CDCP1: variants seen among roughly 807,000 people sequenced by gnomAD.
CDCP1 encodes the protein CUB domain-containing protein 1.
Under a neutral mutation model 60.2 loss-of-function variants are expected in CDCP1, and 29 were observed. The observed-to-expected ratio is 0.48, with a 90% CI of 0.36 to 0.66. The LOEUF is 0.66. Among genes scored for constraint, CDCP1 ranks in the 30% least tolerant of loss-of-function variants. CDCP1 has a pLI of 0.00. For synonymous variants in CDCP1, 387 were observed against 431.1 expected, an observed-to-expected ratio of 0.90 and a Z score of 1.27; for missense variants, 876 against 1,074.3, an observed-to-expected ratio of 0.82 and a Z score of 2.58.
At chr3:45,103,765 C>A (rs1559390742) in intron 4 of CDCP1, among the ~76,000 whole-genome samples, 1 of 152,242 alleles carries the variant, frequency 6.6e-6, no homozygotes, top group Non-Finnish European at 1.5e-5. Context: ...CCTTGCCACT[C>A]CTCTGCTATA....
chr3:45,097,620 T>A (rs971643971), intron 4 of CDCP1, among the ~76,000 whole-genome samples: 33 of 152,130 alleles, frequency 2.2e-4, no homozygotes, highest in Non-Finnish European at 5.9e-5. Context: ...GCGAATGAGT[T>A]CAATTCTAAC....
intron 1 of CDCP1, among the ~76,000 whole-genome samples, chr3:45,127,318 G>A (rs1321813634): frequency 6.6e-6 from 1 of 152,166 alleles, no homozygotes; most frequent in Non-Finnish European, 1.5e-5. Flanking sequence ...TCTAAGAAAG[G>A]GAACTGGCAT....
intron 1 of CDCP1, among the ~76,000 whole-genome samples, chr3:45,129,338 A>G (rs1699050016): frequency 1.3e-5 from 2 of 152,236 alleles, no homozygotes; most frequent in Admixed American, 1.3e-4. Flanking sequence ...TTCCAGATTG[A>G]ATCACACCGT....
In CDCP1 at chr3:45,146,163, G is replaced by A. The variant is rs772774247; in HGVS notation, c.82+43C>T. On this transcript the variant is annotated intron_variant, in intron 1 of 8. Transcript: ENST00000296129. Reference sequence around the variant, plus strand: ...CCGCCGGGCGTCCGCTGGCTGGCTAGCTCACCACTCCACGCCATCCGCCTC... The same window carrying A: ...CCGCCGGGCGTCCGCTGGCTGGCTAACTCACCACTCCACGCCATCCGCCTC... 1.3e-5 allele frequency: 20 copies of A among 1,531,612 alleles called. No homozygotes were observed. In the African/African-American group the frequency reaches 2.1e-4, roughly 16 times the overall value. 94.9% of individuals were successfully genotyped at this position (1,531,612 alleles called of 1,614,324 possible). A position where few individuals can be genotyped will look rare whatever the true frequency, so the allele number is the denominator to read the frequency against.
In CDCP1 at chr3:45,108,930, TGTATACATATATATATATATA is replaced by T. The variant is rs1698634758; in HGVS notation, c.1024+1522_1024+1542del. 6.8e-5 allele frequency among the ~76,000 whole-genome samples: 4 copies of T among 58,776 alleles called. 1 individual carries two copies. The highest frequency in any genetic ancestry group is 2.3e-4 in the African/African-American group (4 of 17,238). 38.6% of individuals were successfully genotyped at this position (58,776 alleles called of 152,430 possible). ...ATGTATACATATATATATATATGCA[TGTATACATATATATATATATA>T]TATTTTTTTTTTTTTTGAGATGGAG... On this transcript the variant is annotated intron_variant, in intron 4 of 8. Transcript: ENST00000296129.
At chr3:45,096,422 C>T (rs1698399509) in intron 4 of CDCP1, among the ~76,000 whole-genome samples, 1 of 151,720 alleles carries the variant, frequency 6.6e-6, no homozygotes, top group Non-Finnish European at 1.5e-5. Flanking sequence ...GTCAGGAGTT[C>T]AAGACCAGCC....
At position 45,096,242 on chromosome 3, in the gene CDCP1, C is replaced by G. The variant is rs146659180; in HGVS notation, c.1025-674G>C. 4.5e-3 allele frequency among the ~76,000 whole-genome samples: 689 copies of G among 152,280 alleles called. 2 individuals carry two copies. The highest frequency in any genetic ancestry group is 0.015 in the African/African-American group (608 of 41,550). ...TGAGTGCCCACGTTTAACTGCAGCA[C>G]TGTGATTGTGGGAAACTAGAGACCA... is the stretch of plus-strand genomic sequence containing the variant. On this transcript the variant is annotated intron_variant, in intron 4 of 8. Coordinates refer to ENST00000296129, the MANE Select transcript of CDCP1 (RefSeq NM_022842.5).
chr3:45,090,236 T>C (rs1698271468), intron 7 of CDCP1, among the ~76,000 whole-genome samples: 1 of 152,124 alleles, frequency 6.6e-6, no homozygotes, highest in East Asian at 1.9e-4. Context: ...GCCTCCACAG[T>C]CCCTTCTGAT....
rs775450086 is a variant in CDCP1, at chr3:45,091,318, C to T, written c.1848G>A (p.Glu616=). 1 of 1,614,126 alleles carries T rather than the reference C, an allele frequency of 6.2e-7. No individual in the cohort carries two copies. Residue 616 remains glutamate, a synonymous_variant, in exon 7 of 9, where the codon GAG becomes GAA. Coordinates refer to ENST00000296129, the MANE Select transcript of CDCP1 (RefSeq NM_022842.5). The surrounding 1 kb of genome is among the most constrained non-coding windows in gnomAD (Gnocchi z 4.8). ...MIIQEQRTRA[E]EIFSLDEDVL... ...CATCCTCGTCCAGGCTGAAGATCTCCTCAGCCCGGGTCCGCTGCTCCTGGA... is the reference window on the plus strand; with the variant it reads ...CATCCTCGTCCAGGCTGAAGATCTCTTCAGCCCGGGTCCGCTGCTCCTGGA...
At chr3:45,096,607 G>C (rs1382246172) in intron 4 of CDCP1, among the ~76,000 whole-genome samples, 1 of 106,254 alleles carries the variant, frequency 9.4e-6, no homozygotes, top group Non-Finnish European at 1.7e-5. Flanking sequence ...CCTAGTGACA[G>C]AGCAAGACTC....
At chr3:45,121,431 T>C (rs1559397119) in intron 1 of CDCP1, among the ~76,000 whole-genome samples, 2 of 152,234 alleles carry the variant, frequency 1.3e-5, no homozygotes, top group Admixed American at 1.3e-4. Flanking sequence ...AACGTCTAAC[T>C]GTGTTATTTG....
At chr3:45,086,122 G>A (rs1698189769) in intron 8 of CDCP1, 55 bp from the exon 9 acceptor site, 9 of 1,475,444 alleles carry the variant, frequency 6.1e-6, no homozygotes, top group Non-Finnish European at 8.4e-6. Flanking sequence ...TCTTCGATGG[G>A]TACCATTGCT....
In CDCP1 at chr3:45,140,531, C is replaced by G. The variant is rs545442506; in HGVS notation, c.82+5675G>C. ...TTTACTGGCCTTGCAGTCCTATGAC[C>G]GAGCTGGGTTCTGGAGTCATACTCC... On this transcript the variant is annotated intron_variant, in intron 1 of 8. Coordinates refer to ENST00000296129, the MANE Select transcript of CDCP1 (RefSeq NM_022842.5). Among the ~76,000 whole-genome samples the G allele has an allele frequency of 2.0e-5, 3 of 152,290 alleles. No homozygotes were observed. In the East Asian group the frequency reaches 5.8e-4, roughly 29 times the overall value.
chr3:45,089,654 C>T (rs1446400755), intron 7 of CDCP1, among the ~76,000 whole-genome samples: 1 of 152,168 alleles, frequency 6.6e-6, no homozygotes, highest in East Asian at 1.9e-4. Flanking sequence ...ATTCCTGATC[C>T]ATAAATCGTG....
In CDCP1 at chr3:45,091,166, C is replaced by T. The variant is rs1698287831; in HGVS notation, c.1993+7G>A. ...TCACTGTCCCCAAAGACCCTGAAGG[C>T]CCTTACCCACAGTCCTTGGGGTAAG... On this transcript the variant is annotated splice_region_variant and intron_variant, in intron 7 of 8. Coordinates refer to ENST00000296129, the MANE Select transcript of CDCP1 (RefSeq NM_022842.5). The surrounding 1 kb of genome is among the most constrained non-coding windows in gnomAD (Gnocchi z 4.8). 1 of 1,607,624 alleles carries T rather than the reference C, an allele frequency of 6.2e-7. No homozygotes were observed. Among genetic ancestry groups the T allele is most frequent in the Middle Eastern group, 1.7e-4 (1 of 6,020 alleles).
intron 1 of CDCP1, among the ~76,000 whole-genome samples, chr3:45,143,686 C>T (rs549939342): frequency 1.3e-5 from 2 of 152,164 alleles, no homozygotes; most frequent in East Asian, 3.9e-4. Flanking sequence ...ACTTCCTTCC[C>T]CCATATTGAT....
chr3:45,118,296 T>A, intron 2 of CDCP1, 116 bp downstream of exon 2: 1 of 776,732 alleles, frequency 1.3e-6, no homozygotes, highest in South Asian at 1.7e-5. Context: ...CTGTAGAGTT[T>A]CAGAATAGAT....
chr3:45,097,577 C>G (rs1254234501), intron 4 of CDCP1, among the ~76,000 whole-genome samples: 1 of 150,624 alleles, frequency 6.6e-6, no homozygotes, highest in East Asian at 2.0e-4. Flanking sequence ...CTTTGCAATT[C>G]AAGGGTGTTG....
In CDCP1 at chr3:45,089,490, C is replaced by T. The variant is rs76851173; in HGVS notation, c.1994-349G>A. Among the ~76,000 whole-genome samples, 996 of 152,160 alleles carry T rather than the reference C, an allele frequency of 6.5e-3. 10 individuals are homozygous for T. The highest frequency in any genetic ancestry group is 0.023 in the African/African-American group (958 of 41,506). On this transcript the variant is annotated intron_variant, in intron 7 of 8. Coordinates refer to ENST00000296129, the MANE Select transcript of CDCP1 (RefSeq NM_022842.5). ...CAAGCTAGCCATGTAGAGATTCCAC[C>T]GGGGAAAAAAATCAACCCAGTGAGA...
Sources: allele counts gnomAD v4.1 joint callset (sites outside exome capture counted in the v4.1 genomes callset), GRCh38; gene constraint gnomAD v4.1.1; non-coding constraint Gnocchi (gnomAD v3.1); transcripts MANE v1.5; gene names NCBI Gene and HGNC (gene_info 2026-07-23, HGNC 2026-07-21).